ZC3HAV1: variants seen among roughly 807,000 people sequenced by gnomAD.
ZC3HAV1 encodes the protein zinc finger CCCH-type containing, antiviral 1.
ZC3HAV1 carries 41 observed loss-of-function variants against 86.6 expected under a neutral mutation model. The observed-to-expected ratio is 0.47, with a 90% CI of 0.37 to 0.61. ZC3HAV1 has a LOEUF of 0.61. Among genes scored for constraint, ZC3HAV1 ranks in the 20% least tolerant of loss-of-function variants. ZC3HAV1 has a pLI of 0.00. For missense variants in ZC3HAV1, 964 were observed against 1,141.1 expected, an observed-to-expected ratio of 0.84 and a Z score of 2.24; for synonymous variants, 421 against 432.1, an observed-to-expected ratio of 0.97 and a Z score of 0.32.
intron 9 of ZC3HAV1, chr7:139,060,688 A>AG (rs1372215774): frequency 9.1e-7 from 1 of 1,094,366 alleles, no homozygotes; most frequent in Non-Finnish European, 1.1e-6. Context: ...AAAAAAAAAA[A>AG]AAAAAGAATC....
chr7:139,077,788 A>G (rs77988871), intron 5 of ZC3HAV1, among the ~76,000 whole-genome samples: 6,443 of 150,518 alleles, frequency 0.043, 208 homozygotes, highest in Non-Finnish European at 0.067. Context: ...AATATTCAAA[A>G]TGAAGATGTG....
At chr7:139,089,057 G>A (rs1023488901) in intron 2 of ZC3HAV1, among the ~76,000 whole-genome samples, 3 of 137,796 alleles carry the variant, frequency 2.2e-5, no homozygotes, top group East Asian at 2.1e-4. Context: ...AGCTAAGATC[G>A]TGCCACTGCA....
intron 5 of ZC3HAV1, among the ~76,000 whole-genome samples, chr7:139,076,657 C>T (rs77525680): frequency 2.0e-5 from 3 of 151,994 alleles, no homozygotes; most frequent in Non-Finnish European, 4.4e-5. Context: ...TCTGGGAGGC[C>T]GAAACAGGCG....
At chr7:139,097,435 T>TATTTTTTTTTA (rs1817636702) in intron 1 of ZC3HAV1, among the ~76,000 whole-genome samples, 1 of 121,050 alleles carries the variant, frequency 8.3e-6, no homozygotes, top group African/African-American at 3.5e-5. Context: ...TATATTTTTT[T>TATTTTTTTTTA]TTTTTTTTTT....
chr7:139,049,026 C>A (rs557509792), intron 12 of ZC3HAV1, among the ~76,000 whole-genome samples: 2 of 135,308 alleles, frequency 1.5e-5, no homozygotes, highest in Non-Finnish European at 3.2e-5. Flanking sequence ...TTTACTTGTT[C>A]ATAAATAGGA....
Position 139,046,612 on chromosome 7 carries a change from T to C in ZC3HAV1, c.*982A>G, listed in dbSNP as rs1046600295. On this transcript the variant is annotated 3_prime_UTR_variant, in exon 13 of 13. Coordinates refer to ENST00000242351, the MANE Select transcript of ZC3HAV1 (RefSeq NM_020119.4). ...TCTTATTACCGCATTCCAGAGAGAG[T>C]CAACCTGGATGGAGTTTGTCCCCTA... 5.3e-5 allele frequency: 8 copies of C among 152,262 alleles called. No individual in the cohort carries two copies. In the East Asian group the frequency reaches 1.5e-3, roughly 29 times the overall value. 9.4% of individuals were successfully genotyped at this position (152,262 alleles called of 1,614,324 possible).
intron 8 of ZC3HAV1, among the ~76,000 whole-genome samples, chr7:139,063,027 C>CAAAAAAAAAAAAA (rs58859916): frequency 1.5e-4 from 10 of 68,086 alleles, no homozygotes; most frequent in Non-Finnish European, 2.5e-4. Context: ...GACTCTGTCT[C>CAAAAAAAAAAAAA]AAAAAAAAAA....
intron 9 of ZC3HAV1, among the ~76,000 whole-genome samples, chr7:139,057,240 T>C (rs28408954): frequency 0.63 from 95,372 of 151,704 alleles, 30,220 homozygotes; most frequent in African/African-American, 0.71. Context: ...CGGCTGTAGT[T>C]GCAGCTACTC....
In ZC3HAV1 at chr7:139,045,494, G is replaced by T. The variant is rs1427087353; in HGVS notation, c.*2100C>A. 6.6e-6 allele frequency: 1 copy of T among 152,170 alleles called. No individual in the cohort carries two copies. 9.4% of individuals were successfully genotyped at this position (152,170 alleles called of 1,614,324 possible). A position where few individuals can be genotyped will look rare whatever the true frequency, so the allele number is the denominator to read the frequency against. ...AAAACACAGCAAACAACTTAGAAGGGAACAGAGATATTTAAGAGGTAAAAC... is the reference window on the plus strand; with the variant it reads ...AAAACACAGCAAACAACTTAGAAGGTAACAGAGATATTTAAGAGGTAAAAC... On this transcript the variant is annotated 3_prime_UTR_variant, in exon 13 of 13. Transcript: ENST00000242351.
In ZC3HAV1 at chr7:139,060,673, T is replaced by TAAA. The variant is rs35979655; in HGVS notation, c.2096+360_2096+362dup. 3.4e-4 allele frequency: 320 copies of TAAA among 935,562 alleles called. 1 individual carries two copies. The highest frequency in any genetic ancestry group is 1.7e-3 in the East Asian group (16 of 9,518). 58.0% of individuals were successfully genotyped at this position (935,562 alleles called of 1,614,324 possible). On this transcript the variant is annotated intron_variant, in intron 9 of 12. Transcript: ENST00000242351. ...CTGGGCAACAAAGTGAGACCCCCTC[T>TAAA]AAAAAAAAAAAAAAAAAAAAGAATC...
intron 1 of ZC3HAV1, among the ~76,000 whole-genome samples, chr7:139,100,520 C>T (rs1203516969): frequency 1.3e-5 from 2 of 151,256 alleles, no homozygotes; most frequent in African/African-American, 4.9e-5. Context: ...GGCGACAGAC[C>T]GAGGCTCTGT....
intron 7 of ZC3HAV1, among the ~76,000 whole-genome samples, chr7:139,073,648 G>A (rs532212795): frequency 1.3e-5 from 2 of 152,060 alleles, no homozygotes; most frequent in East Asian, 3.9e-4. Flanking sequence ...CTGCCACCAC[G>A]CCTGGCTAAT....
rs1815999738 is a variant in ZC3HAV1 at position 139,047,704 on chromosome 7, A to G, written c.2599T>C (p.Cys867Arg). Residue 867 changes from cysteine (C) to arginine (R), a missense_variant, in exon 13 of 13, where the codon TGT (cysteine) becomes CGT (arginine). Physicochemically the swap from Cys to Arg is radical, Grantham distance 180. Coordinates refer to ENST00000242351, the MANE Select transcript of ZC3HAV1 (RefSeq NM_020119.4). The stretch of plus-strand genomic sequence containing the variant: ...GAGGGATTCGATCTGGTATCCACAC[A>G]GCTGTCGAACTGTGGAGGAGGGCTC... ...YTSPPPQFDSCVDTRSNPSVF... is the reference protein window; with the variant it reads ...YTSPPPQFDSRVDTRSNPSVF... 6.2e-7 allele frequency: 1 copy of G among 1,614,136 alleles called. No individual in the cohort carries two copies. The highest frequency in any genetic ancestry group is 8.5e-7 in the Non-Finnish European group (1 of 1,180,032).
chr7:139,084,413 G>C (rs905478690), intron 2 of ZC3HAV1, among the ~76,000 whole-genome samples: 11 of 152,190 alleles, frequency 7.2e-5, no homozygotes, highest in African/African-American at 2.7e-4. Context: ...GCAACTGTTT[G>C]GAAATCCAAA....
Position 139,089,911 on chromosome 7 carries a change from A to AT in ZC3HAV1, c.309-153dup, listed in dbSNP as rs1817380409. Reference sequence around the variant, plus strand: ...TCTGCTTAAAGAATACACTATATTTATTTATTTTTTTTACTTTTTTTTTCT... The same window carrying AT: ...TCTGCTTAAAGAATACACTATATTTATTTTATTTTTTTTACTTTTTTTTTCT... On this transcript the variant is annotated intron_variant, in intron 1 of 12. Transcript: ENST00000242351. 2.2e-5 allele frequency: 17 copies of AT among 764,848 alleles called. No homozygotes were observed. The African/African-American group carries it at 2.4e-4, about 11-fold the overall frequency. 47.4% of individuals were successfully genotyped at this position (764,848 alleles called of 1,614,324 possible).
intron 5 of ZC3HAV1, among the ~76,000 whole-genome samples, chr7:139,077,430 G>GA (rs1298624195): frequency 1.3e-5 from 2 of 152,180 alleles, no homozygotes; most frequent in African/African-American, 4.8e-5. Flanking sequence ...TTTTAGTAGA[G>GA]ATGGGTTGTC....
intron 9 of ZC3HAV1, 143 bp downstream of exon 9, chr7:139,060,893 T>A (rs1156603830): frequency 6.4e-7 from 1 of 1,571,474 alleles, no homozygotes; most frequent in South Asian, 1.1e-5. Context: ...ATCTTACTCA[T>A]CGATAATGCA....
intron 1 of ZC3HAV1, among the ~76,000 whole-genome samples, chr7:139,101,127 G>A (rs6978152): frequency 0.26 from 38,855 of 152,054 alleles, 5,292 homozygotes; most frequent in East Asian, 0.42. Context: ...TGGCAGACGG[G>A]GTCTTGCTCA....
In ZC3HAV1 at chr7:139,047,536, T is replaced by C; in HGVS notation, c.*58A>G. The C allele has an allele frequency of 6.2e-7, 1 of 1,602,446 alleles. No homozygotes were observed. Among genetic ancestry groups the C allele is most frequent in the Non-Finnish European group, 8.5e-7 (1 of 1,174,766 alleles). ...ACTTTAACTCCTGTCTGCGGCAATTTAGTTCTGTAAAGGAACAGAATGGTT... is the reference window on the plus strand; with the variant it reads ...ACTTTAACTCCTGTCTGCGGCAATTCAGTTCTGTAAAGGAACAGAATGGTT... On this transcript the variant is annotated 3_prime_UTR_variant, in exon 13 of 13. Transcript: ENST00000242351.
Sources: allele counts gnomAD v4.1 joint callset (sites outside exome capture counted in the v4.1 genomes callset), GRCh38; gene constraint gnomAD v4.1.1; transcripts MANE v1.5; gene names NCBI Gene and HGNC (gene_info 2026-07-23, HGNC 2026-07-21).